Variants in HK1 observed in about 807,000 individuals in gnomAD.
HK1 encodes hexokinase-1.
A neutral mutation model predicts 91.6 loss-of-function variants in HK1; 28 were observed. The observed-to-expected ratio is 0.31, with a 90% CI of 0.23 to 0.42. HK1 has a LOEUF of 0.42. Among genes scored for constraint, HK1 ranks in the 10% least tolerant of loss-of-function variants. HK1 has a pLI of 1.00. For missense variants in HK1, 770 were observed against 1,219.8 expected (o/e 0.63, Z 5.49); for synonymous variants, 430 against 468.1 (o/e 0.92, Z 1.05).
intron 5 of HK1, among the ~76,000 whole-genome samples, chr10:69,302,396 A>T (rs1223501804): frequency 6.9e-6 from 1 of 144,522 alleles, no homozygotes; most frequent in Non-Finnish European, 1.5e-5. Flanking sequence ...TTTTTTTGAG[A>T]CAGAGTCTCA....
At chr10:69,296,712 G>A (rs1845581025) in intron 4 of HK1, among the ~76,000 whole-genome samples, 1 of 152,154 alleles carries the variant, frequency 6.6e-6, no homozygotes, top group Non-Finnish European at 1.5e-5. Flanking sequence ...AGCAGCATGT[G>A]CCAAAACAGA....
intron 1 of HK1, among the ~76,000 whole-genome samples, chr10:69,331,986 G>A (rs552450856): frequency 6.6e-6 from 1 of 152,318 alleles, no homozygotes; most frequent in East Asian, 1.9e-4. Flanking sequence ...TGAGGCAGAA[G>A]GATTGCTTTG....
intron 1 of HK1, among the ~76,000 whole-genome samples, chr10:69,320,504 C>T (rs1288096810): frequency 6.6e-6 from 1 of 152,098 alleles, no homozygotes; most frequent in Non-Finnish European, 1.5e-5. Flanking sequence ...GCTGTGCGTG[C>T]GGGTGTGTGC....
upstream of HK1, chr10:69,318,779 C>T: frequency 7.6e-7 from 1 of 1,312,288 alleles, no homozygotes; most frequent in Non-Finnish European, 9.9e-7. Flanking sequence ...GACGGGAGCG[C>T]GGAGACCGGG....
chr10:69,275,345 AC>A lies in HK1; in HGVS notation c.-391+5241del, dbSNP rs551397229. ...AGACCAGCCTGAGCAACATGGCGAG[AC>A]CCCATCTCTACTAGATTAAAAAATA... On this transcript the variant is annotated intron_variant, in intron 1 of 21. Coordinates refer to the HK1 transcript ENST00000360289. Among the ~76,000 whole-genome samples, 146 of 152,004 alleles carry A rather than the reference AC, an allele frequency of 9.6e-4. 1 individual carries two copies. The highest frequency in any genetic ancestry group is 6.8e-3 in the Middle Eastern group (2 of 294).
At chr10:69,392,002 A>T in intron 14 of HK1, 123 bp from the exon 15 acceptor site, 1 of 881,064 alleles carries the variant, frequency 1.1e-6, no homozygotes, top group Non-Finnish European at 1.9e-6. Flanking sequence ...AAAAACTATT[A>T]CTTTGTTCAT....
At chr10:69,318,530 C>T (rs1040321744), upstream of HK1, among the ~76,000 whole-genome samples, 10 of 152,344 alleles carry the variant, frequency 6.6e-5, no homozygotes, top group East Asian at 1.9e-3. Flanking sequence ...CACGGCCCAC[C>T]CGGGCACGGC....
chr10:69,399,593 C>T (rs892501092), intron 17 of HK1, among the ~76,000 whole-genome samples: 23 of 152,032 alleles, frequency 1.5e-4, no homozygotes, highest in African/African-American at 5.1e-4. Flanking sequence ...AGGGCGGGAG[C>T]GGTTTGGGCC....
At chr10:69,281,735 T>C (rs1255074612) in intron 1 of HK1, among the ~76,000 whole-genome samples, 1 of 152,106 alleles carries the variant, frequency 6.6e-6, no homozygotes, top group Non-Finnish European at 1.5e-5. Flanking sequence ...TGGGGAATGG[T>C]GGTGAGTCAC....
At chr10:69,321,642 C>A (rs1316135756) in intron 1 of HK1, among the ~76,000 whole-genome samples, 1 of 152,196 alleles carries the variant, frequency 6.6e-6, no homozygotes, top group African/African-American at 2.4e-5. Context: ...GGGGACCATG[C>A]CGGGGAAGTT....
intron 1 of HK1, among the ~76,000 whole-genome samples, chr10:69,325,469 T>A (rs955132541): frequency 3.9e-5 from 6 of 151,974 alleles, no homozygotes; most frequent in African/African-American, 1.4e-4. Flanking sequence ...GCGATTCTCC[T>A]GCCTCAGCCT....
At chr10:69,395,217 A>AT (rs1250618234) in intron 16 of HK1, 112 bp downstream of exon 16, 27 of 974,820 alleles carry the variant, frequency 2.8e-5, no homozygotes, top group Non-Finnish European at 4.0e-5. Flanking sequence ...ATTTTTGAGG[A>AT]TTTTTTTTCC....
At chr10:69,301,909 T>C (rs1044039900) in intron 5 of HK1, among the ~76,000 whole-genome samples, 1 of 152,028 alleles carries the variant, frequency 6.6e-6, no homozygotes, top group Non-Finnish European at 1.5e-5. Context: ...GCCAAAACAA[T>C]CTTGAATAAG....
At chr10:69,348,609 G>T (rs1015725841) in intron 2 of HK1, among the ~76,000 whole-genome samples, 1 of 152,212 alleles carries the variant, frequency 6.6e-6, no homozygotes, top group Admixed American at 6.5e-5. Flanking sequence ...TCAGGAGTTG[G>T]AGACCGGCCT....
rs565239271 is a variant in HK1 at position 69,385,572 on chromosome 10, G to T, written c.1839+657G>T. Among the ~76,000 whole-genome samples the T allele has an allele frequency of 1.8e-4, 27 of 152,344 alleles. No individual in the cohort carries two copies. In the East Asian group the frequency reaches 5.2e-3, roughly 29 times the overall value. ...ACGGAGGCAAGACCCAGCCTGTCAC[G>T]CTGGAAGAGCTGTAGGTAGCTCTGG... On this transcript the variant is annotated intron_variant, in intron 12 of 17. Transcript: ENST00000359426.
At chr10:69,322,681 G>T (rs890853295) in intron 1 of HK1, among the ~76,000 whole-genome samples, 1 of 151,564 alleles carries the variant, frequency 6.6e-6, no homozygotes, top group Admixed American at 6.6e-5. Context: ...ACCTGAGGTC[G>T]GGAGTTCGAG....
upstream of HK1, chr10:69,318,247 C>T: frequency 1.0e-6 from 1 of 984,090 alleles, no homozygotes; most frequent in Non-Finnish European, 1.2e-6. Flanking sequence ...TAGGCCGGTG[C>T]GTTCGGCCTG....
In HK1 at chr10:69,369,124, C is replaced by G; in HGVS notation, c.592-113C>G. ...ACCAGCTGTAATGAAACCAGTACCA[C>G]TCACAAAAGCAGGGGTTCTGAAAAC... On this transcript the variant is annotated intron_variant, in intron 5 of 17. Transcript: ENST00000359426. This position sits in a 1 kb window ranked among gnomAD's most constrained non-coding sequence, Gnocchi z 4.4. 1 of 770,834 alleles carries G rather than the reference C, an allele frequency of 1.3e-6. No individual in the cohort carries two copies. The highest frequency in any genetic ancestry group is 2.3e-6 in the Non-Finnish European group (1 of 432,994). The allele number at this position is 770,834 out of a possible 1,614,324, so 47.7% of individuals were successfully genotyped here.
At chr10:69,376,565 A>G (rs1190237084) in intron 7 of HK1, among the ~76,000 whole-genome samples, 3 of 152,208 alleles carry the variant, frequency 2.0e-5, no homozygotes, top group Non-Finnish European at 2.9e-5. Flanking sequence ...AATAAAAAGT[A>G]TAGCATACAG....
Sources: allele counts gnomAD v4.1 joint callset (sites outside exome capture counted in the v4.1 genomes callset), GRCh38; gene constraint gnomAD v4.1.1; non-coding constraint Gnocchi (gnomAD v3.1); transcripts MANE v1.5; gene names NCBI Gene and HGNC (gene_info 2026-07-23, HGNC 2026-07-21).